Variants in TTC6 observed in about 807,000 individuals in gnomAD.
The protein encoded by TTC6 is tetratricopeptide repeat domain 6, also known as tetratricopeptide repeat protein 6.
Under a neutral mutation model 210.4 loss-of-function variants are expected in TTC6, and 172 were observed. The observed-to-expected ratio is 0.82, with a 90% CI of 0.72 to 0.93. The LOEUF is 0.93. Among genes scored for constraint, TTC6 ranks in the 40% least tolerant of loss-of-function variants. The pLI is 0.00. For synonymous variants in TTC6, 804 were observed against 819.6 expected (o/e 0.98, Z 0.32); for missense variants, 2,414 against 2,318.1 (o/e 1.04, Z -0.85).
intron 1 of TTC6, among the ~76,000 whole-genome samples, chr14:37,624,645 G>A (rs955871049): frequency 1.5e-4 from 22 of 150,534 alleles, no homozygotes; most frequent in Admixed American, 9.9e-4. Context: ...TTTTTTTGAC[G>A]GAGTTTTGCT....
At chr14:37,823,216 C>T (rs1338160436) in intron 26 of TTC6, among the ~76,000 whole-genome samples, 1 of 152,000 alleles carries the variant, frequency 6.6e-6, no homozygotes, top group African/African-American at 2.4e-5. Flanking sequence ...AAATAAAATG[C>T]ATTTTACTTT....
intron 1 of TTC6, among the ~76,000 whole-genome samples, chr14:37,657,143 C>T (rs1007424467): frequency 1.9e-4 from 24 of 129,192 alleles, no homozygotes; most frequent in African/African-American, 6.4e-4. Flanking sequence ...ATCCGGGAGG[C>T]GGAGGTTGCA....
chr14:37,617,339 A>T (rs1168834256), upstream of TTC6, among the ~76,000 whole-genome samples: 2 of 152,134 alleles, frequency 1.3e-5, no homozygotes, highest in East Asian at 1.9e-4. Context: ...TTCACAAGGG[A>T]TATAGGCATA....
chr14:37,841,547 G>A (rs754937367), exon 30 of TTC6: 7 of 1,605,232 alleles, frequency 4.4e-6, no homozygotes, highest in East Asian at 2.2e-5. Flanking sequence ...ATATGAAGAA[G>A]CAAAAGAAGA....
intron 2 of TTC6, among the ~76,000 whole-genome samples, chr14:37,616,370 A>T (rs1268220846): frequency 6.6e-6 from 1 of 152,170 alleles, no homozygotes; most frequent in Non-Finnish European, 1.5e-5. Flanking sequence ...ACTGTGTTTG[A>T]AGAAAAACCA....
At chr14:37,620,106 G>A (rs908160087), upstream of TTC6, among the ~76,000 whole-genome samples, 1 of 151,988 alleles carries the variant, frequency 6.6e-6, no homozygotes, top group Non-Finnish European at 1.5e-5. Context: ...TACCATTATA[G>A]TAAAAAAATT....
chr14:37,773,898 GT>G (rs990736381), intron 14 of TTC6, among the ~76,000 whole-genome samples: 1 of 152,036 alleles, frequency 6.6e-6, no homozygotes, highest in South Asian at 2.1e-4. Flanking sequence ...AGCATGGAAT[GT>G]TTTTTTCGTT....
chr14:37,806,589 A>T, intron 22 of TTC6, 79 bp downstream of exon 24: 1 of 1,323,602 alleles, frequency 7.6e-7, no homozygotes, highest in South Asian at 1.7e-5. Flanking sequence ...TGCCATTGTT[A>T]TTAATTACCA....
chr14:37,617,067 G>A (rs373608739), upstream of TTC6, among the ~76,000 whole-genome samples: 4 of 151,962 alleles, frequency 2.6e-5, no homozygotes, highest in African/African-American at 9.7e-5. Context: ...GTAGAGACAG[G>A]GTCTCCTTAT....
intron 10 of TTC6, among the ~76,000 whole-genome samples, chr14:37,746,718 A>G (rs546583493): frequency 1.8e-4 from 28 of 152,276 alleles, no homozygotes; most frequent in African/African-American, 5.8e-4. Flanking sequence ...TGGGAGTCAC[A>G]GCTGAGTGAT....
At chr14:37,842,367 G>A in exon 31 of TTC6, 3 of 1,308,702 alleles carry the variant, frequency 2.3e-6, no homozygotes, top group Non-Finnish European at 3.0e-6. Context: ...TTGTCTAAAA[G>A]GTTCTACCAT....
At chr14:37,827,413 T>G (rs1446582264) in intron 29 of TTC6, 47 bp downstream of exon 31, 21 of 1,573,538 alleles carry the variant, frequency 1.3e-5, no homozygotes, top group Non-Finnish European at 1.7e-5. Context: ...TGGAATGCTT[T>G]CTTTATTATA....
chr14:37,767,626 C>T (rs1215756039), intron 14 of TTC6, among the ~76,000 whole-genome samples: 35 of 152,044 alleles, frequency 2.3e-4, no homozygotes, highest in Admixed American at 1.0e-3. Context: ...TCATGTCCTT[C>T]GCCTACTTTT....
At chr14:37,681,406 C>G (rs2095783277) in intron 2 of TTC6, among the ~76,000 whole-genome samples, 1 of 152,190 alleles carries the variant, frequency 6.6e-6, no homozygotes, top group South Asian at 2.1e-4. Context: ...AAAAGGCCAA[C>G]AATCAGATAT....
At chr14:37,711,158 C>T (rs893974335) in intron 5 of TTC6, among the ~76,000 whole-genome samples, 1 of 152,132 alleles carries the variant, frequency 6.6e-6, no homozygotes, top group African/African-American at 2.4e-5. Flanking sequence ...ATTCTGCTTC[C>T]CAGGGCAGAG....
intron 1 of TTC6, among the ~76,000 whole-genome samples, chr14:37,657,683 A>C (rs1018742490): frequency 6.6e-6 from 1 of 152,214 alleles, no homozygotes; most frequent in Non-Finnish European, 1.5e-5. Flanking sequence ...AATCAAGTTA[A>C]AGTAGAGAGG....
chr14:37,792,405 C>A, exon 17 of TTC6: 1 of 1,508,088 alleles, frequency 6.6e-7, no homozygotes, highest in Non-Finnish European at 8.8e-7. Context: ...GGGCGGAAAC[C>A]TATTTTAAGG....
intron 1 of TTC6, among the ~76,000 whole-genome samples, chr14:37,661,307 T>C (rs1297937589): frequency 6.6e-6 from 1 of 152,222 alleles, no homozygotes; most frequent in African/African-American, 2.4e-5. Flanking sequence ...TTCTAGGATC[T>C]TTATAGTTTG....
chr14:37,676,470 T>C (rs372062018), intron 1 of TTC6, among the ~76,000 whole-genome samples: 2 of 152,112 alleles, frequency 1.3e-5, no homozygotes, highest in East Asian at 1.9e-4. Flanking sequence ...ACTAGACCCT[T>C]GTCAGGCAAA....
Sources: allele counts gnomAD v4.1 joint callset (sites outside exome capture counted in the v4.1 genomes callset), GRCh38; gene constraint gnomAD v4.1.1; transcripts MANE v1.5; gene names NCBI Gene and HGNC (gene_info 2026-07-23, HGNC 2026-07-21).